SGCD: variants seen among roughly 807,000 people sequenced by gnomAD.
SGCD encodes the protein delta-sarcoglycan.
A neutral mutation model predicts 36.6 loss-of-function variants in SGCD; 18 were observed. That is an observed-to-expected ratio of 0.49 (90% CI 0.34 to 0.73). The LOEUF is 0.73. SGCD is among the 30% of genes least tolerant of loss of function. SGCD has a pLI of 0.01. For synonymous variants in SGCD, 133 were observed against 130.6 expected, an observed-to-expected ratio of 1.02 and a Z score of -0.12; for missense variants, 387 against 346.7, an observed-to-expected ratio of 1.12 and a Z score of -0.92.
chr5:155,944,036 A>G (rs1213992617), intron 1 of SGCD, among the ~76,000 whole-genome samples: 2 of 152,150 alleles, frequency 1.3e-5, no homozygotes, highest in African/African-American at 4.8e-5. Flanking sequence ...CTGCATGACC[A>G]CAGCCCTGCA....
At chr5:155,754,621 G>A in the SGCD span, among the ~76,000 whole-genome samples, 61 of 152,312 alleles carry the variant, frequency 4.0e-4, no homozygotes, top group Non-Finnish European at 8.5e-4. Context: ...AATATGTTAT[G>A]GCGTCAGTTA....
intron 3 of SGCD, among the ~76,000 whole-genome samples, chr5:156,157,994 C>T (rs1274176339): frequency 1.3e-5 from 2 of 150,954 alleles, no homozygotes; most frequent in African/African-American, 2.5e-5. Flanking sequence ...TAATATTCTT[C>T]AAGAAGTATG....
At chr5:156,744,408 C>G (rs930253167) in intron 7 of SGCD, among the ~76,000 whole-genome samples, 10 of 152,112 alleles carry the variant, frequency 6.6e-5, no homozygotes, top group Non-Finnish European at 1.5e-4. Context: ...TCTTTTGGCT[C>G]CCACCAATTT....
At chr5:156,115,402 A>C (rs1761884500) in intron 1 of SGCD, among the ~76,000 whole-genome samples, 1 of 152,010 alleles carries the variant, frequency 6.6e-6, no homozygotes, top group Non-Finnish European at 1.5e-5. Context: ...ATCTACCCAT[A>C]AGCAAACCTC....
chr5:156,503,451 G>T (rs1756545882), intron 3 of SGCD, among the ~76,000 whole-genome samples: 1 of 152,104 alleles, frequency 6.6e-6, no homozygotes, highest in Admixed American at 6.5e-5. Flanking sequence ...ATTAAGGATG[G>T]TTCTATCTAT....
chr5:155,995,968 A>G (rs1337924835), intron 1 of SGCD, among the ~76,000 whole-genome samples: 2 of 129,682 alleles, frequency 1.5e-5, no homozygotes, highest in Non-Finnish European at 3.1e-5. Flanking sequence ...CTTTCATTGT[A>G]TGTACATCAG....
rs1201936033 is a variant in SGCD, at chr5:156,762,397, G to A, written c.*3007G>A. 2 of 152,550 alleles carry A rather than the reference G, an allele frequency of 1.3e-5. No individual in the cohort carries two copies. Among genetic ancestry groups the A allele is most frequent in the South Asian group, 2.1e-4 (1 of 4,820 alleles). The allele number at this position is 152,550 out of a possible 1,614,324, so 9.4% of individuals were successfully genotyped here. ...TCATAGAAGTCTTGGGAAACTATTCGAGTATCACAGAGGTTTTCAAAAGCC... is the reference window on the plus strand; with the variant it reads ...TCATAGAAGTCTTGGGAAACTATTCAAGTATCACAGAGGTTTTCAAAAGCC... On this transcript the variant is annotated 3_prime_UTR_variant, in exon 9 of 9. Transcript: ENST00000337851.
chr5:156,666,744 CG>C (rs1250906940), intron 7 of SGCD, among the ~76,000 whole-genome samples: 1 of 151,722 alleles, frequency 6.6e-6, no homozygotes, highest in Non-Finnish European at 1.5e-5. Context: ...TCAGAGAGCA[CG>C]GGGTTGGGGG....
At chr5:155,866,046 A>G (rs1755518073), upstream of SGCD, among the ~76,000 whole-genome samples, 2 of 152,170 alleles carry the variant, frequency 1.3e-5, no homozygotes. Context: ...ACAGTTGCAC[A>G]AACAGTTTTT....
chr5:155,901,599 T>C (rs1756391855), intron 1 of SGCD, among the ~76,000 whole-genome samples: 1 of 152,158 alleles, frequency 6.6e-6, no homozygotes, highest in Non-Finnish European at 1.5e-5. Context: ...AAATGTTCAC[T>C]AAGTCTGGTG....
chr5:156,313,282 A>G (rs1032306808), intron 3 of SGCD, among the ~76,000 whole-genome samples: 5 of 152,120 alleles, frequency 3.3e-5, no homozygotes, highest in African/African-American at 9.6e-5. Flanking sequence ...TTTCTCTTAA[A>G]TTTTAAAAGA....
At chr5:156,469,892 G>A (rs780912202) in intron 3 of SGCD, among the ~76,000 whole-genome samples, 3 of 152,198 alleles carry the variant, frequency 2.0e-5, no homozygotes, top group Non-Finnish European at 4.4e-5. Context: ...TCAGAGATGC[G>A]TAAACATGGG....
At chr5:156,708,059 G>A (rs1754817915) in intron 7 of SGCD, among the ~76,000 whole-genome samples, 3 of 152,082 alleles carry the variant, frequency 2.0e-5, no homozygotes, top group Admixed American at 2.0e-4. Flanking sequence ...TAAGTCTTGT[G>A]GTGCTAGTTT....
the SGCD span, among the ~76,000 whole-genome samples, chr5:155,823,790 G>T: frequency 3.4e-3 from 519 of 152,248 alleles, 1 homozygote; most frequent in Non-Finnish European, 6.0e-3. Context: ...GCATTGCCTG[G>T]CTCTTTCTTC....
At chr5:156,608,255 T>G (rs1300031301) in intron 6 of SGCD, among the ~76,000 whole-genome samples, 1 of 152,136 alleles carries the variant, frequency 6.6e-6, no homozygotes, top group Non-Finnish European at 1.5e-5. Flanking sequence ...CTTTGTTCTC[T>G]TTGGTTTCAA....
rs72803030 is a variant in SGCD at position 156,728,603 on chromosome 5, C to A, written c.576-28978C>A. On this transcript the variant is annotated intron_variant, in intron 7 of 8. Transcript: ENST00000337851. ...TTCTTTTTTATCAGCAGTGCCCCCC[C>A]ACCACCACCCCAAGATAAGACTTTT... 3.1e-3 allele frequency among the ~76,000 whole-genome samples: 473 copies of A among 151,544 alleles called. 3 individuals carry two copies. The highest frequency in any genetic ancestry group is 0.011 in the African/African-American group (456 of 41,250).
chr5:155,799,368 G>A, the SGCD span, among the ~76,000 whole-genome samples: 1 of 150,470 alleles, frequency 6.6e-6, no homozygotes, highest in Non-Finnish European at 1.5e-5. Context: ...GTTTCCTTCT[G>A]TTATGTCCCA....
the SGCD span, among the ~76,000 whole-genome samples, chr5:155,853,125 A>T: frequency 4.6e-5 from 7 of 152,048 alleles, no homozygotes; most frequent in Non-Finnish European, 7.4e-5. Flanking sequence ...AACATCCATT[A>T]TTATAATATA....
intron 1 of SGCD, among the ~76,000 whole-genome samples, chr5:155,963,624 T>C (rs1338607650): frequency 6.6e-6 from 1 of 152,052 alleles, no homozygotes; most frequent in Non-Finnish European, 1.5e-5. Context: ...ATTATTTTTA[T>C]CTCCCCATTA....
Sources: allele counts gnomAD v4.1 joint callset (sites outside exome capture counted in the v4.1 genomes callset), GRCh38; gene constraint gnomAD v4.1.1; transcripts MANE v1.5; gene names NCBI Gene and HGNC (gene_info 2026-07-23, HGNC 2026-07-21).